The following THAP12 variants were observed in gnomAD, a reference collection of about 807,000 sequenced individuals.
THAP12 encodes 52 kDa repressor of the inhibitor of the protein kinase.
A neutral mutation model predicts 63.0 loss-of-function variants in THAP12; 20 were observed. The ratio of observed to expected loss-of-function variants is 0.32; its 90% CI spans 0.22 to 0.46. The LOEUF is 0.46. Ranked by LOEUF, THAP12 falls within the 20% of genes least tolerant of loss-of-function variation. THAP12 has a pLI of 1.00. For synonymous variants in THAP12, 264 were observed against 328.4 expected (o/e 0.80, Z 2.12); for missense variants, 568 against 908.2 (o/e 0.63, Z 4.81).
rs1946716302 is a variant in THAP12, at chr11:76,377,030, T to A, written c.89+3718A>T. Among the ~76,000 whole-genome samples the A allele has an allele frequency of 2.6e-5, 4 of 152,212 alleles. No homozygotes were observed. In the South Asian group the frequency reaches 8.3e-4, roughly 32 times the overall value. On this transcript the variant is annotated intron_variant, in intron 1 of 4. Transcript: ENST00000260045. ...CTACTCCTCACTGTACTGAGCGAGT[T>A]CTTTCCCATGTCTCGGAACTTAAAA...
chr11:76,359,312 T>G (rs958064530), intron 3 of THAP12: 3 of 152,248 alleles, frequency 2.0e-5, no homozygotes, highest in Non-Finnish European at 4.4e-5. Flanking sequence ...ATTGCTGTTA[T>G]TTGATAGGTA....
At chr11:76,362,408 A>G (rs1012293694) in intron 2 of THAP12, among the ~76,000 whole-genome samples, 1 of 152,252 alleles carries the variant, frequency 6.6e-6, no homozygotes, top group African/African-American at 2.4e-5. Flanking sequence ...TTGTACCCAA[A>G]GAGTTGTTAA....
chr11:76,371,810 C>CTTTT (rs71036086), intron 1 of THAP12, among the ~76,000 whole-genome samples: 59 of 65,580 alleles, frequency 9.0e-4, no homozygotes, highest in African/African-American at 2.5e-3. Flanking sequence ...TTTAACTTTT[C>CTTTT]TTTTTTTTTT....
intron 1 of THAP12, among the ~76,000 whole-genome samples, chr11:76,368,874 C>A (rs1012294931): frequency 6.6e-6 from 1 of 152,096 alleles, no homozygotes; most frequent in Non-Finnish European, 1.5e-5. Flanking sequence ...AAGGCAACAG[C>A]ACAAATGCTA....
chr11:76,371,810 C>CTTTTTTTTTTTTTTTTT, intron 1 of THAP12, among the ~76,000 whole-genome samples: 1 of 65,774 alleles, frequency 1.5e-5, no homozygotes, highest in Non-Finnish European at 2.9e-5. Context: ...TTTAACTTTT[C>CTTTTTTTTTTTTTTTTT]TTTTTTTTTT....
intron 1 of THAP12, among the ~76,000 whole-genome samples, chr11:76,376,012 A>T (rs1446822946): frequency 6.6e-6 from 1 of 152,246 alleles, no homozygotes; most frequent in Non-Finnish European, 1.5e-5. Flanking sequence ...AGGCAAATTT[A>T]TAAAGACCGA....
At chr11:76,377,328 C>G (rs1420039874) in intron 1 of THAP12, among the ~76,000 whole-genome samples, 1 of 152,164 alleles carries the variant, frequency 6.6e-6, no homozygotes, top group Non-Finnish European at 1.5e-5. Context: ...TGTTCTGCAA[C>G]CATCACCACT....
chr11:76,351,530 T>G lies in THAP12; in HGVS notation c.1620A>C (p.Thr540=). Residue 540 remains threonine, a synonymous_variant, in exon 5 of 5, where the codon ACA becomes ACC. Coordinates refer to ENST00000260045, the MANE Select transcript of THAP12 (RefSeq NM_004705.4). The part of the protein sequence containing the change: ...VYHEFWFEEA[T]NLATKLDIQM... Reference sequence around the variant, plus strand: ...GAATATCAAGTTTGGTTGCCAAATTTGTGGCTTCCTCAAACCAAAATTCAT... The same window carrying G: ...GAATATCAAGTTTGGTTGCCAAATTGGTGGCTTCCTCAAACCAAAATTCAT... The G allele has an allele frequency of 6.4e-7, 1 of 1,561,526 alleles. No individual in the cohort carries two copies. The highest frequency in any genetic ancestry group is 1.9e-5 in the Admixed American group (1 of 52,552).
chr11:76,377,059 T>G (rs1010651525), intron 1 of THAP12, among the ~76,000 whole-genome samples: 4 of 152,182 alleles, frequency 2.6e-5, no homozygotes, highest in Admixed American at 2.0e-4. Flanking sequence ...CTTAAAACAC[T>G]GGGAATGCCC....
chr11:76,365,468 C>T (rs1784514017), intron 2 of THAP12, among the ~76,000 whole-genome samples: 1 of 151,992 alleles, frequency 6.6e-6, no homozygotes, highest in South Asian at 2.1e-4. Flanking sequence ...CTCTGCAGCC[C>T]CGACGTCATG....
intron 1 of THAP12, among the ~76,000 whole-genome samples, chr11:76,370,930 A>G (rs1946670226): frequency 6.6e-6 from 1 of 151,938 alleles, no homozygotes; most frequent in South Asian, 2.1e-4. Flanking sequence ...ATATACATAC[A>G]TACCCACTTA....
At chr11:76,365,047 G>C (rs951428533) in intron 2 of THAP12, among the ~76,000 whole-genome samples, 4 of 152,144 alleles carry the variant, frequency 2.6e-5, no homozygotes, top group Non-Finnish European at 5.9e-5. Context: ...TTGGGAGGCC[G>C]AGGTGGGCGG....
intron 3 of THAP12, 109 bp downstream of exon 3, chr11:76,360,847 T>C: frequency 1.4e-6 from 1 of 734,826 alleles, no homozygotes; most frequent in Non-Finnish European, 2.3e-6. Flanking sequence ...CCCGTTACAT[T>C]ACCTCTGAAA....
intron 2 of THAP12, among the ~76,000 whole-genome samples, chr11:76,363,336 A>C (rs1421557758): frequency 1.3e-5 from 2 of 152,176 alleles, no homozygotes; most frequent in Non-Finnish European, 2.9e-5. Context: ...GCTCCGGCCA[A>C]ATTCAGTAGT....
chr11:76,366,553 C>T (rs754737591), intron 1 of THAP12, among the ~76,000 whole-genome samples: 1 of 152,082 alleles, frequency 6.6e-6, no homozygotes, highest in Non-Finnish European at 1.5e-5. Context: ...AAGCGGCGAG[C>T]GCCTGTAGTC....
rs766475206 is a variant in THAP12 at position 76,351,975 on chromosome 11, T to C, written c.1175A>G (p.His392Arg). 1.6e-5 allele frequency: 25 copies of C among 1,605,100 alleles called. No individual in the cohort carries two copies. The highest frequency in any genetic ancestry group is 2.0e-5 in the Non-Finnish European group (24 of 1,177,584). Residue 392 changes from histidine (H) to arginine (R), a missense_variant, in exon 5 of 5, where the codon CAT (histidine) becomes CGT (arginine). Coordinates refer to ENST00000260045, the MANE Select transcript of THAP12 (RefSeq NM_004705.4). ...TTCTAAAAGCAGTTGTGGTGATCGA[T>C]GGAAAAAAGAACAAACTTCCTCAAT... is the stretch of plus-strand genomic sequence containing the variant. ...GTIEEVCSFF[H>R]RSPQLLLELD...
rs889365924 is a variant in THAP12, at chr11:76,350,701, T to C, written c.*163A>G. The C allele has an allele frequency of 5.9e-5, 34 of 574,084 alleles. No homozygotes were observed. The highest frequency in any genetic ancestry group is 9.3e-5 in the Non-Finnish European group (34 of 366,458). 35.6% of individuals were successfully genotyped at this position (574,084 alleles called of 1,614,324 possible). A position where few individuals can be genotyped will look rare whatever the true frequency, so the allele number is the denominator to read the frequency against. ...GAAGAACAGGTAGGTCTTCAAAGCT[T>C]GAGAGTTCAAACAGGGGCCATTTAA... On this transcript the variant is annotated 3_prime_UTR_variant, in exon 5 of 5. Coordinates refer to ENST00000260045, the MANE Select transcript of THAP12 (RefSeq NM_004705.4).
intron 3 of THAP12, chr11:76,356,373 A>C (rs1946561046): frequency 6.6e-6 from 1 of 152,254 alleles, no homozygotes; most frequent in African/African-American, 2.4e-5. Flanking sequence ...AGGCTGGTCA[A>C]CCTGGACATC....
intron 1 of THAP12, among the ~76,000 whole-genome samples, chr11:76,378,001 AAG>A (rs1946723449): frequency 1.2e-4 from 18 of 152,364 alleles, no homozygotes; most frequent in Middle Eastern, 3.4e-3. Context: ...TATTATTTGC[AAG>A]TACCTTCTTC....
Sources: allele counts gnomAD v4.1 joint callset (sites outside exome capture counted in the v4.1 genomes callset), GRCh38; gene constraint gnomAD v4.1.1; transcripts MANE v1.5; gene names NCBI Gene and HGNC (gene_info 2026-07-23, HGNC 2026-07-21).